The following PRKG1 variants were observed in gnomAD, a reference collection of about 807,000 sequenced individuals.
PRKG1 encodes cGMP-dependent protein kinase 1.
In PRKG1, 35 loss-of-function variants were observed where a neutral mutation model predicts 88.1. The ratio of observed to expected loss-of-function variants is 0.40; its 90% CI spans 0.30 to 0.53. The LOEUF (loss-of-function observed/expected upper bound fraction) is 0.53, where lower values mean the gene tolerates loss of function less well. Ranked by LOEUF, PRKG1 falls within the 20% of genes least tolerant of loss-of-function variation. The pLI is 0.59. For missense variants in PRKG1, 540 were observed against 839.8 expected (o/e 0.64, Z 4.41); for synonymous variants, 303 against 292.5 (o/e 1.04, Z -0.37).
chr10:51,033,128 C>T (rs1312237790), intron 1 of PRKG1, among the ~76,000 whole-genome samples: 2 of 152,096 alleles, frequency 1.3e-5, no homozygotes, highest in African/African-American at 4.8e-5. Context: ...CCCTTATCTC[C>T]AGACATAACT....
chr10:51,445,192 G>C (rs1373709127), intron 2 of PRKG1, among the ~76,000 whole-genome samples: 2 of 151,776 alleles, frequency 1.3e-5, no homozygotes, highest in Non-Finnish European at 2.9e-5. Flanking sequence ...CCATATAGGA[G>C]AGCACAACAT....
intron 3 of PRKG1, among the ~76,000 whole-genome samples, chr10:51,575,561 A>G (rs1347885165): frequency 9.2e-5 from 14 of 151,984 alleles, no homozygotes; most frequent in Non-Finnish European, 4.4e-5. Context: ...ATAGAGATGT[A>G]TATAACTCAT....
chr10:51,526,715 T>C (rs1347346724), intron 3 of PRKG1, among the ~76,000 whole-genome samples: 1 of 152,202 alleles, frequency 6.6e-6, no homozygotes, highest in African/African-American at 2.4e-5. Flanking sequence ...CTCCAGTGTC[T>C]CCTTATACCT....
chr10:51,301,855 T>G (rs577144607), intron 2 of PRKG1, among the ~76,000 whole-genome samples: 6 of 152,322 alleles, frequency 3.9e-5, no homozygotes, highest in African/African-American at 1.4e-4. Context: ...CAGTTCAGTT[T>G]AGTGTGTTGA....
At chr10:51,220,729 A>T (rs766557589) in intron 2 of PRKG1, among the ~76,000 whole-genome samples, 4 of 152,144 alleles carry the variant, frequency 2.6e-5, no homozygotes, top group Non-Finnish European at 5.9e-5. Context: ...TTGTGTTTGT[A>T]TGTATAGGGA....
intron 3 of PRKG1, among the ~76,000 whole-genome samples, chr10:51,531,768 C>T (rs1041199537): frequency 2.0e-5 from 3 of 149,604 alleles, no homozygotes; most frequent in Non-Finnish European, 4.4e-5. Context: ...CCTCAGCCTC[C>T]TGAGTAGCTG....
intron 3 of PRKG1, among the ~76,000 whole-genome samples, chr10:51,774,931 ATTG>A (rs1166861986): frequency 1.3e-5 from 2 of 152,166 alleles, no homozygotes; most frequent in Non-Finnish European, 2.9e-5. Flanking sequence ...TTTTAGGAAT[ATTG>A]TTAGTAACCA....
At chr10:51,943,017 G>A (rs575215754) in intron 5 of PRKG1, among the ~76,000 whole-genome samples, 1 of 151,942 alleles carries the variant, frequency 6.6e-6, no homozygotes, top group African/African-American at 2.4e-5. Context: ...GATGGGGATG[G>A]CATTGAATCT....
At position 51,829,647 on chromosome 10, in the gene PRKG1, C is replaced by T. The variant is rs189330167; in HGVS notation, c.698+24957C>T. On this transcript the variant is annotated intron_variant, in intron 4 of 17. Transcript: ENST00000373980. Reference sequence around the variant, plus strand: ...AATGTATAGGTCTAAAGGACTATGACATCTTATTTTCTAAATACACGTGAA... The same window carrying T: ...AATGTATAGGTCTAAAGGACTATGATATCTTATTTTCTAAATACACGTGAA... Among the ~76,000 whole-genome samples, 35 of 152,250 alleles carry T rather than the reference C, an allele frequency of 2.3e-4. No individual in the cohort carries two copies. In the East Asian group the frequency reaches 6.4e-3, roughly 28 times the overall value.
intron 3 of PRKG1, among the ~76,000 whole-genome samples, chr10:51,585,739 T>C (rs896159789): frequency 6.6e-5 from 10 of 151,956 alleles, no homozygotes; most frequent in African/African-American, 2.4e-4. Flanking sequence ...TAGTGGTGGA[T>C]TGGATAAAGA....
At chr10:51,646,638 A>C (rs1323778092) in intron 3 of PRKG1, among the ~76,000 whole-genome samples, 1 of 152,138 alleles carries the variant, frequency 6.6e-6, no homozygotes, top group Admixed American at 6.5e-5. Flanking sequence ...AAATCTCTTA[A>C]AGAAGGAAAG....
Position 51,926,068 on chromosome 10 carries a change from T to C in PRKG1, c.762+18498T>C, listed in dbSNP as rs576777640. ...TGAGAAAAACATTTCCTAATAATAA[T>C]GAAATGACAACATGATATGGTAGCA... On this transcript the variant is annotated intron_variant, in intron 5 of 17. Transcript: ENST00000373980. 3.3e-5 allele frequency among the ~76,000 whole-genome samples: 5 copies of C among 152,286 alleles called. No homozygotes were observed. In the East Asian group the frequency reaches 9.6e-4, roughly 29 times the overall value.
At chr10:52,134,785 G>C (rs1837360296) in intron 8 of PRKG1, among the ~76,000 whole-genome samples, 1 of 152,110 alleles carries the variant, frequency 6.6e-6, no homozygotes, top group South Asian at 2.1e-4. Context: ...GAGCTCAGAG[G>C]ACTCCGGATG....
chr10:51,942,921 G>C (rs1842942214), intron 5 of PRKG1, among the ~76,000 whole-genome samples: 1 of 151,354 alleles, frequency 6.6e-6, no homozygotes, highest in Non-Finnish European at 1.5e-5. Flanking sequence ...GCTTAGGATT[G>C]ACTTGGCGAT....
At chr10:52,264,404 T>A (rs891139203) in intron 10 of PRKG1, among the ~76,000 whole-genome samples, 14 of 141,280 alleles carry the variant, frequency 9.9e-5, no homozygotes, top group African/African-American at 3.2e-4. Flanking sequence ...CCCTCCAGCT[T>A]TTTTTTTCTT....
intron 5 of PRKG1, among the ~76,000 whole-genome samples, chr10:52,043,241 C>T (rs898812891): frequency 6.6e-6 from 1 of 151,936 alleles, no homozygotes; most frequent in African/African-American, 2.4e-5. Flanking sequence ...GGAAATGAAA[C>T]CATGTATTGA....
intron 7 of PRKG1, among the ~76,000 whole-genome samples, chr10:52,118,518 AG>A (rs1193436584): frequency 6.6e-6 from 1 of 152,048 alleles, no homozygotes; most frequent in African/African-American, 2.4e-5. Context: ...TCTCTATGAT[AG>A]GTGCTGAGCC....
At chr10:51,758,839 C>T (rs1178386474) in intron 3 of PRKG1, among the ~76,000 whole-genome samples, 1 of 151,298 alleles carries the variant, frequency 6.6e-6, no homozygotes, top group Non-Finnish European at 1.5e-5. Flanking sequence ...AATGCTCTCC[C>T]TCCTCTTCCC....
chr10:51,955,328 A>G (rs1479756854), intron 5 of PRKG1, among the ~76,000 whole-genome samples: 3 of 152,190 alleles, frequency 2.0e-5, no homozygotes, highest in Admixed American at 2.0e-4. Flanking sequence ...TAAGGTGCTC[A>G]GGATCATGGT....
Sources: gnomAD v4.1 joint callset for allele counts (sites outside exome capture counted in the v4.1 genomes callset) on GRCh38, gnomAD v4.1.1 for gene constraint, MANE v1.5 for transcripts, NCBI Gene and HGNC (gene_info 2026-07-23, HGNC 2026-07-21) for gene names.